The following DIAPH1 variants were observed in gnomAD, a reference collection of about 807,000 sequenced individuals.
The protein encoded by DIAPH1 is protein diaphanous homolog 1.
Under a neutral mutation model 140.7 loss-of-function variants are expected in DIAPH1, and 46 were observed. The ratio of observed to expected loss-of-function variants is 0.33; its 90% CI spans 0.26 to 0.42. The LOEUF (loss-of-function observed/expected upper bound fraction) is 0.42, where lower values mean the gene tolerates loss of function less well. DIAPH1 is among the 10% of genes least tolerant of loss of function. The pLI is 1.00. For missense variants in DIAPH1, 1,310 were observed against 1,558.7 expected, an observed-to-expected ratio of 0.84 and a Z score of 2.69; for synonymous variants, 565 against 551.6, an observed-to-expected ratio of 1.02 and a Z score of -0.34.
intron 18 of DIAPH1, among the ~76,000 whole-genome samples, chr5:141,557,320 G>A (rs1411583564): frequency 6.6e-6 from 1 of 152,100 alleles, no homozygotes; most frequent in Non-Finnish European, 1.5e-5. Context: ...AAAATAATGG[G>A]TGGCAAAGAC....
rs1247069457 is a variant in DIAPH1 at position 141,571,952 on chromosome 5, G to A, written c.2447C>T (p.Thr816Ile). 1.9e-6 allele frequency: 3 copies of A among 1,614,074 alleles called. No homozygotes were observed. The highest frequency in any genetic ancestry group is 2.5e-6 in the Non-Finnish European group (3 of 1,179,948). Reference sequence around the variant, plus strand: ...CTTGGTCTGGGCAGAGAAGGTAAGGGTAAGTTTGGCGAAAAGTTCATTGTT... The same window carrying A: ...CTTGGTCTGGGCAGAGAAGGTAAGGATAAGTTTGGCGAAAAGTTCATTGTT... ...FENNELFAKL[T>I]LTFSAQTKTS... is the part of the protein sequence containing the mutation. Residue 816 changes from threonine to isoleucine, a missense_variant, in exon 17 of 28, where the codon ACC becomes ATC. Thr to Ile is a moderately conservative substitution (Grantham distance 89, BLOSUM62 -1). Transcript: ENST00000389054.
Position 141,528,490 on chromosome 5 carries a change from A to C in DIAPH1, c.3111T>G (p.Phe1037Leu), listed in dbSNP as rs376328260. 8.7e-6 allele frequency: 14 copies of C among 1,614,234 alleles called. No individual in the cohort carries two copies. The highest frequency in any genetic ancestry group is 1.6e-4 in the Middle Eastern group (1 of 6,062). Reference sequence around the variant, plus strand: ...TCTCCACATGGGCAAGCTCGTCTGGAAACTTGAGGACATCGGGATAGTCAT... The same window carrying C: ...TCTCCACATGGGCAAGCTCGTCTGGCAACTTGAGGACATCGGGATAGTCAT... ...CENDYPDVLK[F>L]PDELAHVEKA... Residue 1037 changes from phenylalanine (F) to leucine (L), a missense_variant, in exon 23 of 28, where the codon TTT (phenylalanine) becomes TTG (leucine). This residue lies in a region of DIAPH1 where 344 missense variants were observed against 512.2 expected (regional missense o/e 0.67). Coordinates refer to ENST00000389054, the MANE Select transcript of DIAPH1 (RefSeq NM_005219.5).
At chr5:141,584,247 GA>G in intron 3 of DIAPH1, 22 bp from the exon 4 acceptor site, 1 of 1,467,122 alleles carries the variant, frequency 6.8e-7, no homozygotes, top group Non-Finnish European at 9.5e-7. Context: ...AGAAAAAAGA[GA>G]AAAAACAAAA....
chr5:141,596,680 A>G (rs915762009), intron 1 of DIAPH1, among the ~76,000 whole-genome samples: 1 of 152,216 alleles, frequency 6.6e-6, no homozygotes, highest in Non-Finnish European at 1.5e-5. Flanking sequence ...CTAAACTTAC[A>G]ATGTGATTCA....
intron 3 of DIAPH1, among the ~76,000 whole-genome samples, chr5:141,585,175 T>C (rs966306924): frequency 6.6e-6 from 1 of 152,124 alleles, no homozygotes; most frequent in Non-Finnish European, 1.5e-5. Flanking sequence ...CAGGCTGGTC[T>C]TGAACTGCTG....
intron 18 of DIAPH1, among the ~76,000 whole-genome samples, chr5:141,559,548 T>C (rs987665039): frequency 6.6e-6 from 1 of 152,126 alleles, no homozygotes; most frequent in Non-Finnish European, 1.5e-5. Context: ...GGGACAGATA[T>C]AAGTCTGGAA....
chr5:141,571,971 C>T lies in DIAPH1; in HGVS notation c.2428G>A (p.Glu810Lys). The T allele has an allele frequency of 6.2e-7, 1 of 1,614,164 alleles. No homozygotes were observed. The highest frequency in any genetic ancestry group is 8.5e-7 in the Non-Finnish European group (1 of 1,180,026). The change falls in exon 17 of 28, where the codon GAA (glutamate) becomes AAA (lysine). Residue 810 changes from glutamate to lysine, a missense_variant. Physicochemically the swap from Glu to Lys is moderately conservative, Grantham distance 56. Around this residue, in one of 3 missense-constraint regions of DIAPH1, gnomAD observed 589 missense variants for 549.3 expected, o/e 1.07. Coordinates refer to ENST00000389054, the MANE Select transcript of DIAPH1 (RefSeq NM_005219.5). The stretch of plus-strand genomic sequence containing the variant: ...GTAAGGGTAAGTTTGGCGAAAAGTT[C>T]ATTGTTCTCAAAGCGGTCCTCCTTC... ...KVKEDRFENN[E>K]LFAKLTLTFS...
At chr5:141,571,855 A>T (rs750672780) in intron 17 of DIAPH1, 71 bp downstream of exon 17, 2 of 1,083,366 alleles carry the variant, frequency 1.8e-6, no homozygotes, top group Non-Finnish European at 2.9e-6. Context: ...AAGGGAAGGG[A>T]ATAGGAAACC....
chr5:141,588,725 A>G (rs1292935855), intron 1 of DIAPH1, among the ~76,000 whole-genome samples: 1 of 152,236 alleles, frequency 6.6e-6, no homozygotes, highest in Non-Finnish European at 1.5e-5. Context: ...TTGTCCAGTA[A>G]AGTTAAAATA....
intron 26 of DIAPH1, among the ~76,000 whole-genome samples, 198 bp downstream of exon 26, chr5:141,525,840 T>C (rs1172694854): frequency 2.0e-5 from 3 of 152,006 alleles, no homozygotes; most frequent in Non-Finnish European, 2.9e-5. Context: ...GAAAAGGTAA[T>C]AGTTTAACCA....
chr5:141,529,531 T>A, intron 20 of DIAPH1, 72 bp downstream of exon 20: 1 of 1,247,504 alleles, frequency 8.0e-7, no homozygotes, highest in Non-Finnish European at 1.2e-6. Flanking sequence ...ATCCTCTTCA[T>A]CTACACAGAG....
At chr5:141,547,622 C>T (rs2099891011) in intron 18 of DIAPH1, among the ~76,000 whole-genome samples, 1 of 151,822 alleles carries the variant, frequency 6.6e-6, no homozygotes, top group Admixed American at 6.6e-5. Flanking sequence ...ACTAAAAGCA[C>T]AGAGGTTAAA....
Position 141,590,210 on chromosome 5 carries a change from T to A in DIAPH1, c.118-1960A>T, listed in dbSNP as rs145294306. Among the ~76,000 whole-genome samples the A allele has an allele frequency of 6.1e-3, 933 of 152,332 alleles. 14 individuals carry two copies. In the South Asian group the frequency reaches 0.067, roughly 11 times the overall value. On this transcript the variant is annotated intron_variant, in intron 1 of 27. Transcript: ENST00000389054. ...AGTTCAATCCAGTGTAAACTGTGAA[T>A]GTATACTTTGTCCATTTTTCACCAA... is the stretch of plus-strand genomic sequence containing the variant.
At chr5:141,583,850 A>T (rs906873062) in intron 4 of DIAPH1, among the ~76,000 whole-genome samples, 4 of 152,140 alleles carry the variant, frequency 2.6e-5, no homozygotes, top group Admixed American at 6.6e-5. Flanking sequence ...CACGTTTATC[A>T]GGGCAGATAC....
chr5:141,540,516 G>A (rs1171479034), intron 18 of DIAPH1, among the ~76,000 whole-genome samples: 1 of 150,412 alleles, frequency 6.6e-6, no homozygotes, highest in African/African-American at 2.4e-5. Context: ...TCCTGACCTC[G>A]TGATCCACCT....
Position 141,583,631 on chromosome 5 carries a change from A to T in DIAPH1, c.403-16T>A. ...GGCTCATGCCCTAGACAGAAGGCAT[A>T]GACAGAGATTAGTAATGGTGGACCC... On this transcript the variant is annotated splice_polypyrimidine_tract_variant and intron_variant, in intron 4 of 27. Transcript: ENST00000389054. 6.2e-7 allele frequency: 1 copy of T among 1,614,210 alleles called. No homozygotes were observed. Among genetic ancestry groups the T allele is most frequent in the South Asian group, 1.1e-5 (1 of 91,090 alleles).
Position 141,573,607 on chromosome 5 carries a change from G to A in DIAPH1, c.2243C>T (p.Pro748Leu), listed in dbSNP as rs528398613. 13 of 1,614,010 alleles carry A rather than the reference G, an allele frequency of 8.1e-6. No homozygotes were observed. The highest frequency in any genetic ancestry group is 2.2e-5 in the South Asian group (2 of 91,076). The change falls in exon 16 of 28, where the codon CCT becomes CTT. Residue 748 changes from proline (P) to leucine (L), a missense_variant. By Grantham distance (98) the Pro-to-Leu change is moderately conservative. This residue lies in a region of DIAPH1 where 589 missense variants were observed against 549.3 expected (regional missense o/e 1.07). Coordinates refer to ENST00000389054, the MANE Select transcript of DIAPH1 (RefSeq NM_005219.5). ...IPPPPPGMGM[P>L]PPPPFGFGVP... ...TCCAAATCCAAATGGGGGAGGTGGAGGCATACCCATTCCGGGTGGAGGTGG... is the reference window on the plus strand; with the variant it reads ...TCCAAATCCAAATGGGGGAGGTGGAAGCATACCCATTCCGGGTGGAGGTGG...
intron 1 of DIAPH1, 34 bp from the exon 2 acceptor site, chr5:141,588,284 A>G (rs766823331): frequency 3.2e-6 from 5 of 1,578,834 alleles, no homozygotes. Flanking sequence ...AGAAGAAAGA[A>G]GAGAAATCAG....
At chr5:141,525,205 A>G (rs2099887139) in intron 26 of DIAPH1, among the ~76,000 whole-genome samples, 1 of 152,214 alleles carries the variant, frequency 6.6e-6, no homozygotes, top group Admixed American at 6.5e-5. Context: ...TGGTAGCAAG[A>G]GGTATCAGAG....
Sources: allele counts gnomAD v4.1 joint callset (sites outside exome capture counted in the v4.1 genomes callset), GRCh38; gene constraint gnomAD v4.1.1; regional missense constraint gnomAD v4.1.1; transcripts MANE v1.5; gene names NCBI Gene and HGNC (gene_info 2026-07-23, HGNC 2026-07-21).